Variants in HMCN2 observed in about 807,000 individuals in gnomAD.
HMCN2 encodes hemicentin 2, also known as hemicentin-2.
In HMCN2, 325 loss-of-function variants were observed where a neutral mutation model predicts 377.5. The observed-to-expected ratio is 0.86, with a 90% CI of 0.79 to 0.94. HMCN2 has a LOEUF of 0.94. Among genes scored for constraint, HMCN2 ranks in the 40% least tolerant of loss-of-function variants. HMCN2 has a pLI of 0.00. For missense variants in HMCN2, 4,543 were observed against 4,725.3 expected, an observed-to-expected ratio of 0.96 and a Z score of 1.13; for synonymous variants, 2,007 against 2,046.8, an observed-to-expected ratio of 0.98 and a Z score of 0.53.
At chr9:130,353,274 T>C (rs902502773) in intron 31 of HMCN2, 69 bp downstream of exon 31, 2 of 1,257,708 alleles carry the variant, frequency 1.6e-6, no homozygotes, top group African/African-American at 1.5e-5. Flanking sequence ...GGCCCCTGCC[T>C]GTCTCCAAAG....
At position 130,406,694 on chromosome 9, in the gene HMCN2, G is replaced by A. The variant is rs140197335; in HGVS notation, c.12553+526G>A. On this transcript the variant is annotated intron_variant, in intron 82 of 97. Coordinates refer to ENST00000683500, the MANE Select transcript of HMCN2 (RefSeq NM_001291815.2). ...CTGAGTCCCCAGGTGTGGAATACCC[G>A]TGCTCACCTGTGGTGAAGGCTTTGC... is the stretch of plus-strand genomic sequence containing the variant. 678 of 159,638 alleles carry A rather than the reference G, an allele frequency of 4.2e-3. 4 individuals carry two copies. Among genetic ancestry groups the A allele is most frequent in the African/African-American group, 0.016 (649 of 41,704 alleles). 9.9% of individuals were successfully genotyped at this position (159,638 alleles called of 1,614,324 possible).
intron 21 of HMCN2, among the ~76,000 whole-genome samples, chr9:130,326,918 T>C (rs1838163658): frequency 6.6e-6 from 1 of 152,044 alleles, no homozygotes; most frequent in African/African-American, 2.4e-5. Flanking sequence ...GTGGCTGATA[T>C]CATGGGAATA....
Position 130,414,413 on chromosome 9 carries a change from C to T in HMCN2, c.12961+3761C>T, listed in dbSNP as rs2131767923. 6.6e-6 allele frequency among the ~76,000 whole-genome samples: 1 copy of T among 152,260 alleles called. No homozygotes were observed. Among genetic ancestry groups the T allele is most frequent in the African/African-American group, 2.4e-5 (1 of 41,544 alleles). ...CTGACCTGGCGGAAGTGAGTGGCAC[C>T]ACTTTTTCTTGGCAGTTTTATAGCT... On this transcript the variant is annotated intron_variant, in intron 85 of 97. Transcript: ENST00000683500. The surrounding 1 kb of genome is among the most constrained non-coding windows in gnomAD (Gnocchi z 4.4).
Position 130,394,264 on chromosome 9 carries a change from C to T in HMCN2, c.10502-121C>T. 3.0e-6 allele frequency: 2 copies of T among 665,462 alleles called. No individual in the cohort carries two copies. The highest frequency in any genetic ancestry group is 4.4e-6 in the Non-Finnish European group (2 of 456,748). The allele number at this position is 665,462 out of a possible 1,614,324, so 41.2% of individuals were successfully genotyped here. On this transcript the variant is annotated intron_variant, in intron 68 of 97. Transcript: ENST00000683500. This position sits in a 1 kb window ranked among gnomAD's most constrained non-coding sequence, Gnocchi z 5.1. ...TTCCACCAAACCTTGGTGGCAGATGCAAGAACAAGGGCCACCAAAATGTGG... is the reference window on the plus strand; with the variant it reads ...TTCCACCAAACCTTGGTGGCAGATGTAAGAACAAGGGCCACCAAAATGTGG...
At chr9:130,432,103 G>A (rs1254967958) in intron 96 of HMCN2, among the ~76,000 whole-genome samples, 2 of 152,232 alleles carry the variant, frequency 1.3e-5, no homozygotes, top group African/African-American at 2.4e-5. Context: ...GGCTCTGCCC[G>A]TGGGCAGTGG....
At chr9:130,294,720 T>C (rs1225295152) in intron 4 of HMCN2, 135 bp from the exon 5 acceptor site, 2 of 323,648 alleles carry the variant, frequency 6.2e-6, no homozygotes, top group African/African-American at 4.4e-5. Context: ...AATGTGTGAA[T>C]TGGGCCTGGT....
rs1334093768 is a variant in HMCN2 at position 130,406,115 on chromosome 9, G to A, written c.12500G>A (p.Arg4167Gln). ...GDRLWLRCAA[R>Q]GSPTPRIGWT... ...AGGCTGTGGCTTCGCTGTGCAGCCCGGGGCAGCCCCACCCCTCGCATTGGC... is the reference window on the plus strand; with the variant it reads ...AGGCTGTGGCTTCGCTGTGCAGCCCAGGGCAGCCCCACCCCTCGCATTGGC... The change falls in exon 82 of 98, where the codon CGG (arginine) becomes CAG (glutamine). Residue 4167 changes from arginine (R) to glutamine (Q), a missense_variant. Transcript: ENST00000683500. The A allele has an allele frequency of 1.2e-5, 16 of 1,289,716 alleles. No individual in the cohort carries two copies. The highest frequency in any genetic ancestry group is 1.2e-4 in the African/African-American group (8 of 65,870). The allele number at this position is 1,289,716 out of a possible 1,614,324, so 79.9% of individuals were successfully genotyped here. A position where few individuals can be genotyped will look rare whatever the true frequency, so the allele number is the denominator to read the frequency against.
intron 8 of HMCN2, among the ~76,000 whole-genome samples, chr9:130,299,494 G>A (rs1257059458): frequency 1.3e-5 from 2 of 152,054 alleles, no homozygotes; most frequent in Non-Finnish European, 2.9e-5. Flanking sequence ...TTAGAACAAA[G>A]TCATCAAGTC....
intron 95 of HMCN2, 86 bp downstream of exon 95, chr9:130,430,690 A>C (rs1363844541): frequency 2.3e-6 from 3 of 1,305,924 alleles, no homozygotes; most frequent in Non-Finnish European, 3.1e-6. Context: ...TCACCCACCG[A>C]GTTCAGAAAC....
chr9:130,396,135 C>T, intron 72 of HMCN2, 34 bp from the exon 73 acceptor site: 1 of 1,251,578 alleles, frequency 8.0e-7, no homozygotes, highest in Non-Finnish European at 1.0e-6. Context: ...AGAGCCACAG[C>T]TCCCAGCACC....
chr9:130,391,472 C>G lies in HMCN2; in HGVS notation c.9850C>G (p.Leu3284Val), dbSNP rs1211323011. The change falls in exon 65 of 98, where the codon CTG becomes GTG. Residue 3284 changes from leucine (L) to valine (V), a missense_variant. Transcript: ENST00000683500. ...HLRFYLDGGS[L>V]VLKGLRASDA... ...CAGGTTCTACCTGGACGGCGGCTCC[C>G]TGGTGCTAAAAGGCCTGAGGGCCTC... 8.1e-6 allele frequency: 8 copies of G among 987,796 alleles called. No homozygotes were observed. The highest frequency in any genetic ancestry group is 8.4e-6 in the Non-Finnish European group (7 of 830,204). 61.2% of individuals were successfully genotyped at this position (987,796 alleles called of 1,614,324 possible).
At chr9:130,332,742 T>C (rs1838493168) in intron 22 of HMCN2, among the ~76,000 whole-genome samples, 2 of 152,026 alleles carry the variant, frequency 1.3e-5, no homozygotes, top group Admixed American at 6.6e-5. Flanking sequence ...AAGACGCGAG[T>C]TGGGGCAGTG....
chr9:130,291,488 G>T (rs1349865482), intron 4 of HMCN2, among the ~76,000 whole-genome samples: 1 of 152,122 alleles, frequency 6.6e-6, no homozygotes, highest in Non-Finnish European at 1.5e-5. Context: ...GGGATTATAG[G>T]CATGAGCCAC....
intron 28 of HMCN2, 71 bp downstream of exon 28, chr9:130,349,202 C>T (rs928646006): frequency 8.7e-6 from 11 of 1,257,688 alleles, no homozygotes; most frequent in East Asian, 5.7e-5. Context: ...GCAGGCACAC[C>T]GGGGGAGAGG....
Position 130,386,423 on chromosome 9 carries a change from G to T in HMCN2, c.9310-20G>T, listed in dbSNP as rs1037181642. Reference sequence around the variant, plus strand: ...CTTCCAGCTCCAGCACACAGCCACTGTGTGCTCTTCCTCTTTCAGGTATCG... The same window carrying T: ...CTTCCAGCTCCAGCACACAGCCACTTTGTGCTCTTCCTCTTTCAGGTATCG... On this transcript the variant is annotated intron_variant, in intron 60 of 97. Transcript: ENST00000683500. 4.4e-5 allele frequency: 57 copies of T among 1,299,304 alleles called. No homozygotes were observed. Among genetic ancestry groups the T allele is most frequent in the Non-Finnish European group, 5.4e-5 (53 of 986,036 alleles). 80.5% of individuals were successfully genotyped at this position (1,299,304 alleles called of 1,614,324 possible).
chr9:130,319,229 T>C (rs1371094149), intron 15 of HMCN2, among the ~76,000 whole-genome samples: 3 of 152,028 alleles, frequency 2.0e-5, no homozygotes, highest in Non-Finnish European at 2.9e-5. Context: ...GTGGGCATGC[T>C]GCTCCCTCCC....
chr9:130,296,933 G>A, intron 7 of HMCN2, 139 bp downstream of exon 7: 3 of 374,092 alleles, frequency 8.0e-6, no homozygotes, highest in South Asian at 5.9e-5. Flanking sequence ...AGGCCAAGTG[G>A]GACTGTGCTC....
chr9:130,268,703 G>A (rs1367069682), intron 1 of HMCN2, among the ~76,000 whole-genome samples: 1 of 149,236 alleles, frequency 6.7e-6, no homozygotes, highest in Non-Finnish European at 1.5e-5. Flanking sequence ...AGGGAGAGAG[G>A]ACTCCCTGGG....
chr9:130,433,350 C>A lies in HMCN2; in HGVS notation c.14897C>A (p.Thr4966Lys). The A allele has an allele frequency of 6.9e-7, 1 of 1,446,656 alleles. No homozygotes were observed. The allele number at this position is 1,446,656 out of a possible 1,614,324, so 89.6% of individuals were successfully genotyped here. ...CCGTGTGTCTGTGCCGCCCGCAGGA[C>A]GTGCTTCCGGCGCTGCTCGCAGGAC... ...ATYRQGPSPG[T>K]CFRRCSQDCG... Residue 4966 changes from threonine (T) to lysine (K), a missense_variant and splice_region_variant, in exon 98 of 98, where the codon ACG (threonine) becomes AAG (lysine). This residue lies in a region of HMCN2 where 1,155 missense variants were observed against 1,157.7 expected (regional missense o/e 1.00). Transcript: ENST00000683500.
Sources: gnomAD v4.1 joint callset for allele counts (sites outside exome capture counted in the v4.1 genomes callset) on GRCh38, gnomAD v4.1.1 for gene constraint, gnomAD v4.1.1 regional missense constraint, Gnocchi (gnomAD v3.1) non-coding constraint, MANE v1.5 for transcripts, NCBI Gene and HGNC (gene_info 2026-07-23, HGNC 2026-07-21) for gene names.